TENM3: variants seen among roughly 807,000 people sequenced by gnomAD.
TENM3 encodes the protein teneurin-3.
Under a neutral mutation model 255.1 loss-of-function variants are expected in TENM3, and 63 were observed. The ratio of observed to expected loss-of-function variants is 0.25; its 90% CI spans 0.20 to 0.30. TENM3 has a LOEUF of 0.30. Ranked by LOEUF, TENM3 falls within the 10% of genes least tolerant of loss-of-function variation. The pLI is 1.00. For missense variants in TENM3, 2,929 were observed against 3,461.1 expected (o/e 0.85, Z 3.86); for synonymous variants, 1,306 against 1,322.3 (o/e 0.99, Z 0.27).
At chr4:182,295,503 A>G (rs888804874) in intron 1 of TENM3, among the ~76,000 whole-genome samples, 5 of 152,026 alleles carry the variant, frequency 3.3e-5, no homozygotes, top group Admixed American at 3.3e-4. Flanking sequence ...TCCTGACCTC[A>G]GGTGATCTGC....
intron 5 of TENM3, among the ~76,000 whole-genome samples, chr4:182,629,492 T>C (rs150591656): frequency 5.9e-5 from 9 of 152,278 alleles, no homozygotes; most frequent in East Asian, 1.9e-4. Flanking sequence ...AAGCTACTAA[T>C]AGAAGTTGTA....
chr4:181,771,122 G>A, the TENM3 span, among the ~76,000 whole-genome samples: 1 of 152,212 alleles, frequency 6.6e-6, no homozygotes, highest in African/African-American at 2.4e-5. Context: ...CTGGTAGAAT[G>A]TGATGAATTC....
intron 5 of TENM3, among the ~76,000 whole-genome samples, chr4:182,636,045 G>C (rs1751814329): frequency 6.6e-6 from 1 of 152,210 alleles, no homozygotes; most frequent in Admixed American, 6.5e-5. Context: ...GTTTTATAAT[G>C]TTCTAGAACA....
At chr4:182,475,705 G>T (rs751072557) in intron 3 of TENM3, among the ~76,000 whole-genome samples, 4 of 152,118 alleles carry the variant, frequency 2.6e-5, no homozygotes, top group Admixed American at 6.5e-5. Flanking sequence ...GTAGTAGCAA[G>T]CTCACACTCG....
the TENM3 span, among the ~76,000 whole-genome samples, chr4:181,875,050 T>C: frequency 6.6e-6 from 1 of 152,206 alleles, no homozygotes; most frequent in Non-Finnish European, 1.5e-5. Context: ...TTGACGTGCT[T>C]CTGCTTTTTC....
At chr4:181,459,874 A>T in the TENM3 span, among the ~76,000 whole-genome samples, 1 of 152,086 alleles carries the variant, frequency 6.6e-6, no homozygotes, top group African/African-American at 2.4e-5. Context: ...TTATTGGCAT[A>T]TCATTAAAAT....
chr4:182,044,355 T>C, the TENM3 span, among the ~76,000 whole-genome samples: 1 of 152,218 alleles, frequency 6.6e-6, no homozygotes, highest in African/African-American at 2.4e-5. Context: ...TTACAGCAGA[T>C]CTAGTGGGTA....
chr4:182,391,588 C>T (rs1444626728), intron 3 of TENM3, among the ~76,000 whole-genome samples: 2 of 152,182 alleles, frequency 1.3e-5, no homozygotes, highest in African/African-American at 4.8e-5. Flanking sequence ...CATTCATTTT[C>T]AGTAACTGAG....
chr4:181,758,421 G>T, the TENM3 span, among the ~76,000 whole-genome samples: 11 of 152,086 alleles, frequency 7.2e-5, no homozygotes, highest in Admixed American at 3.9e-4. Flanking sequence ...TGTGAAGAGG[G>T]GATGCAGATC....
intron 20 of TENM3, among the ~76,000 whole-genome samples, chr4:182,752,942 A>ATTT (rs750171665): frequency 3.6e-3 from 432 of 121,666 alleles, no homozygotes; most frequent in East Asian, 5.4e-3. Context: ...TCCTTACTGA[A>ATTT]TTTTTTTTTT....
At chr4:182,493,757 A>T (rs542053832) in intron 3 of TENM3, among the ~76,000 whole-genome samples, 99 of 152,254 alleles carry the variant, frequency 6.5e-4, no homozygotes, top group Non-Finnish European at 1.1e-3. Flanking sequence ...TAATGCTAAG[A>T]CTTGATTTCA....
intron 3 of TENM3, among the ~76,000 whole-genome samples, chr4:182,447,948 G>T (rs372268903): frequency 3.3e-5 from 5 of 151,968 alleles, no homozygotes; most frequent in Admixed American, 3.3e-4. Flanking sequence ...GATCTGGAGG[G>T]GAAAAAACAC....
rs916856012 is a variant in TENM3 at position 182,801,051 on chromosome 4, C to A, written c.*700C>A. On this transcript the variant is annotated 3_prime_UTR_variant, in exon 28 of 28. Coordinates refer to ENST00000511685, the MANE Select transcript of TENM3 (RefSeq NM_001080477.4). ...ATATGAATTACAATTTACTGTACAT[C>A]AAATCTTAGTCTCAGAGGAGTTAAT... The A allele has an allele frequency of 2.6e-5, 4 of 152,528 alleles. No homozygotes were observed. The highest frequency in any genetic ancestry group is 6.5e-5 in the Admixed American group (1 of 15,272). 9.4% of individuals were successfully genotyped at this position (152,528 alleles called of 1,614,324 possible). A position where few individuals can be genotyped will look rare whatever the true frequency, so the allele number is the denominator to read the frequency against.
the TENM3 span, among the ~76,000 whole-genome samples, chr4:181,809,664 A>G: frequency 6.6e-5 from 10 of 152,216 alleles, no homozygotes; most frequent in East Asian, 1.9e-3. Context: ...CCTAATCCCC[A>G]GAATCTACAA....
the TENM3 span, among the ~76,000 whole-genome samples, chr4:182,119,125 G>A: frequency 6.6e-6 from 1 of 152,112 alleles, no homozygotes; most frequent in African/African-American, 2.4e-5. Context: ...GGCTGGAAGG[G>A]GCTAGAGATG....
the TENM3 span, among the ~76,000 whole-genome samples, chr4:181,881,427 ATATT>A: frequency 1.3e-5 from 2 of 152,204 alleles, no homozygotes; most frequent in Admixed American, 6.5e-5. Flanking sequence ...GAACATGAAT[ATATT>A]TATTCATGTC....
intron 1 of TENM3, among the ~76,000 whole-genome samples, chr4:182,169,104 C>CACAT (rs1554025014): frequency 6.6e-6 from 1 of 151,394 alleles, no homozygotes; most frequent in African/African-American, 2.4e-5. Context: ...CACACACACA[C>CACAT]GTGGGTGTGA....
chr4:182,435,249 G>A (rs1315196256), intron 3 of TENM3, among the ~76,000 whole-genome samples: 1 of 152,118 alleles, frequency 6.6e-6, no homozygotes, highest in Admixed American at 6.6e-5. Context: ...ACTACAGAGA[G>A]CTATTTTCCT....
At chr4:181,962,072 T>A in the TENM3 span, among the ~76,000 whole-genome samples, 9 of 152,210 alleles carry the variant, frequency 5.9e-5, no homozygotes, top group Non-Finnish European at 8.8e-5. Context: ...TTATCATAAC[T>A]GTGTTATCAC....
Sources: allele counts gnomAD v4.1 joint callset (sites outside exome capture counted in the v4.1 genomes callset), GRCh38; gene constraint gnomAD v4.1.1; transcripts MANE v1.5; gene names NCBI Gene and HGNC (gene_info 2026-07-23, HGNC 2026-07-21).